Variants in EARS2 observed in about 807,000 individuals in gnomAD.
EARS2 encodes nondiscriminating glutamyl-tRNA synthetase EARS2, mitochondrial.
EARS2 carries 50 observed loss-of-function variants against 54.1 expected under a neutral mutation model. That is an observed-to-expected ratio of 0.92 (90% CI 0.74 to 1.17). EARS2 has a LOEUF of 1.17. Ranked by LOEUF, EARS2 falls within the 50% of genes most tolerant of loss-of-function variation. The pLI is 0.00. For missense variants in EARS2, 673 were observed against 675.0 expected, an observed-to-expected ratio of 1.00 and a Z score of 0.03; for synonymous variants, 298 against 281.0, an observed-to-expected ratio of 1.06 and a Z score of -0.61.
At chr16:23,551,023 G>A (rs1181734291) in intron 2 of EARS2, among the ~76,000 whole-genome samples, 3 of 152,166 alleles carry the variant, frequency 2.0e-5, no homozygotes, top group Non-Finnish European at 4.4e-5. Flanking sequence ...GAAGCTGTAC[G>A]TGTTTTGTGT....
At chr16:23,528,599 A>C (rs1965269133) in intron 7 of EARS2, among the ~76,000 whole-genome samples, 1 of 152,238 alleles carries the variant, frequency 6.6e-6, no homozygotes, top group Non-Finnish European at 1.5e-5. Context: ...AATCCTGGTG[A>C]ATTAGAACTA....
intron 8 of EARS2, among the ~76,000 whole-genome samples, chr16:23,524,728 C>T (rs1965196256): frequency 6.6e-6 from 1 of 150,644 alleles, no homozygotes; most frequent in Admixed American, 6.6e-5. Flanking sequence ...CTCACTGCAA[C>T]CTCTGCCTCC....
At chr16:23,557,061 C>A (rs1416042922) in intron 1 of EARS2, 144 bp downstream of exon 1, 5 of 1,266,568 alleles carry the variant, frequency 3.9e-6, no homozygotes, top group Non-Finnish European at 5.4e-6. Flanking sequence ...TCAGTTTCCG[C>A]CTCTGTAAAA....
chr16:23,530,968 T>C (rs1371268039), intron 5 of EARS2, among the ~76,000 whole-genome samples: 1 of 151,906 alleles, frequency 6.6e-6, no homozygotes, highest in Non-Finnish European at 1.5e-5. Context: ...TTCGGCTCAC[T>C]GCAACCTCCA....
chr16:23,549,477 G>C (rs1420931542), intron 2 of EARS2, among the ~76,000 whole-genome samples: 1 of 152,200 alleles, frequency 6.6e-6, no homozygotes, highest in Non-Finnish European at 1.5e-5. Context: ...CAGCTGCAGA[G>C]ATTTCTGGCT....
chr16:23,534,785 G>A (rs777216534), intron 4 of EARS2, 103 bp downstream of exon 4: 10 of 993,046 alleles, frequency 1.0e-5, no homozygotes, highest in Non-Finnish European at 1.5e-5. Flanking sequence ...CACCTGGCTG[G>A]TAGGTGGCAA....
At chr16:23,552,030 T>A in intron 2 of EARS2, 119 bp downstream of exon 2, 1 of 1,300,828 alleles carries the variant, frequency 7.7e-7, no homozygotes. Context: ...AGTACAAATG[T>A]AGCCACTTCT....
intron 1 of EARS2, among the ~76,000 whole-genome samples, chr16:23,555,676 G>T (rs2142200047): frequency 6.6e-6 from 1 of 152,324 alleles, no homozygotes. Flanking sequence ...GAAACTGAGA[G>T]TAAAGGTTTA....
intron 1 of EARS2, among the ~76,000 whole-genome samples, chr16:23,556,418 G>C (rs900126743): frequency 6.6e-6 from 1 of 152,012 alleles, no homozygotes; most frequent in African/African-American, 2.4e-5. Flanking sequence ...GCAATGGCGC[G>C]ATCTTGGCTC....
At chr16:23,545,760 C>T (rs1965593472) in intron 2 of EARS2, among the ~76,000 whole-genome samples, 1 of 152,144 alleles carries the variant, frequency 6.6e-6, no homozygotes, top group Non-Finnish European at 1.5e-5. Context: ...AACTTCCGGG[C>T]TCAAGCCACC....
intron 7 of EARS2, among the ~76,000 whole-genome samples, chr16:23,528,454 G>A (rs1965266703): frequency 6.6e-6 from 1 of 152,254 alleles, no homozygotes; most frequent in Non-Finnish European, 1.5e-5. Flanking sequence ...AAGAACCATG[G>A]CATAGGCACA....
At chr16:23,548,655 G>A (rs910567519) in intron 2 of EARS2, among the ~76,000 whole-genome samples, 3 of 152,038 alleles carry the variant, frequency 2.0e-5, no homozygotes, top group African/African-American at 7.2e-5. Flanking sequence ...ATGACTGACA[G>A]GAGACAGACA....
At chr16:23,525,417 C>G (rs769112157) in intron 7 of EARS2, 38 bp from the exon 8 acceptor site, 1 of 1,587,142 alleles carries the variant, frequency 6.3e-7, no homozygotes, top group Non-Finnish European at 8.6e-7. Context: ...CCTGCATGGG[C>G]CAATGGCAAG....
Position 23,522,798 on chromosome 16 carries a change from T to A in EARS2, c.*1573A>T, listed in dbSNP as rs1276984085. 1 of 152,176 alleles carries A rather than the reference T, an allele frequency of 6.6e-6. No individual in the cohort carries two copies. The highest frequency in any genetic ancestry group is 6.5e-5 in the Admixed American group (1 of 15,278). 9.4% of individuals were successfully genotyped at this position (152,176 alleles called of 1,614,324 possible). A position where few individuals can be genotyped will look rare whatever the true frequency, so the allele number is the denominator to read the frequency against. On this transcript the variant is annotated 3_prime_UTR_variant, in exon 9 of 9. Coordinates refer to ENST00000449606, the MANE Select transcript of EARS2 (RefSeq NM_001083614.2). Reference sequence around the variant, plus strand: ...TTCCGGAGCAGCTTCTCTGAGTGGTTCTGGCTTAGGGTCTCCCATAGAGGT... The same window carrying A: ...TTCCGGAGCAGCTTCTCTGAGTGGTACTGGCTTAGGGTCTCCCATAGAGGT...
At chr16:23,553,942 G>A (rs1338119615) in intron 1 of EARS2, among the ~76,000 whole-genome samples, 2 of 151,344 alleles carry the variant, frequency 1.3e-5, no homozygotes, top group Non-Finnish European at 2.9e-5. Flanking sequence ...TCTATGCAGT[G>A]TGCATGACTG....
intron 3 of EARS2, among the ~76,000 whole-genome samples, chr16:23,541,617 T>C (rs552867067): frequency 2.0e-5 from 3 of 152,224 alleles, no homozygotes; most frequent in African/African-American, 7.2e-5. Context: ...ATTTTAACAC[T>C]GGTTATCTCT....
At chr16:23,527,698 C>T (rs1965253845) in intron 7 of EARS2, among the ~76,000 whole-genome samples, 1 of 151,916 alleles carries the variant, frequency 6.6e-6, no homozygotes, top group Non-Finnish European at 1.5e-5. Flanking sequence ...GGACTACAGG[C>T]GCCCACCACC....
chr16:23,526,240 G>GCCT, intron 7 of EARS2, among the ~76,000 whole-genome samples: 1 of 150,890 alleles, frequency 6.6e-6, no homozygotes, highest in Non-Finnish European at 1.5e-5. Context: ...AGCCTCCTGA[G>GCCT]TAGCTGGGAT....
chr16:23,556,068 T>C (rs895947934), intron 1 of EARS2, among the ~76,000 whole-genome samples: 7 of 152,198 alleles, frequency 4.6e-5, no homozygotes, highest in Non-Finnish European at 1.0e-4. Flanking sequence ...CCACAACAGA[T>C]GGTTTGAAAG....
Sources: allele counts gnomAD v4.1 joint callset (sites outside exome capture counted in the v4.1 genomes callset), GRCh38; gene constraint gnomAD v4.1.1; transcripts MANE v1.5; gene names NCBI Gene and HGNC (gene_info 2026-07-23, HGNC 2026-07-21).